ZNF777: variants seen among roughly 807,000 people sequenced by gnomAD.
The protein encoded by ZNF777 is zinc finger protein 777.
In ZNF777, 7 loss-of-function variants were observed where a neutral mutation model predicts 72.1. The observed-to-expected ratio is 0.10, with a 90% CI of 0.06 to 0.18. The LOEUF (loss-of-function observed/expected upper bound fraction) is 0.18. ZNF777 is among the 10% of genes least tolerant of loss of function. The pLI is 1.00. For missense variants in ZNF777, 828 were observed against 1,128.6 expected, an observed-to-expected ratio of 0.73 and a Z score of 3.82; for synonymous variants, 545 against 483.5, an observed-to-expected ratio of 1.13 and a Z score of -1.67.
rs930893052 is a variant in ZNF777, at chr7:149,454,145, C to G, written c.939G>C (p.Val313=). 1.2e-6 allele frequency: 2 copies of G among 1,614,252 alleles called. No homozygotes were observed. The highest frequency in any genetic ancestry group is 1.7e-5 in the Admixed American group (1 of 60,030). The change falls in exon 3 of 6, where the codon GTG becomes GTC. Residue 313 remains valine, a synonymous_variant. Transcript: ENST00000247930. ...SEWQKELYKN[V]MRGNYESLVS... Reference sequence around the variant, plus strand: ...CCAGGGACTCGTAGTTGCCCCTCATCACGTTCTTGTAGAGCTCCTTCTGCC... The same window carrying G: ...CCAGGGACTCGTAGTTGCCCCTCATGACGTTCTTGTAGAGCTCCTTCTGCC...
In ZNF777 at chr7:149,436,436, G is replaced by T; in HGVS notation, c.1339+139C>A. Reference sequence around the variant, plus strand: ...TCACGGAGCCTATACTCGAGGCCGTGCTTGGTAATTCTTTCCCACCTGTTG... The same window carrying T: ...TCACGGAGCCTATACTCGAGGCCGTTCTTGGTAATTCTTTCCCACCTGTTG... On this transcript the variant is annotated intron_variant, in intron 5 of 5. Transcript: ENST00000247930. The surrounding 1 kb of genome is among the most constrained non-coding windows in gnomAD (Gnocchi z 5.0). The T allele has an allele frequency of 9.7e-7, 1 of 1,034,930 alleles. No homozygotes were observed. The highest frequency in any genetic ancestry group is 1.4e-6 in the Non-Finnish European group (1 of 713,976). The allele number at this position is 1,034,930 out of a possible 1,614,324, so 64.1% of individuals were successfully genotyped here.
chr7:149,457,020 T>C (rs75614997), intron 1 of ZNF777, among the ~76,000 whole-genome samples: 2,760 of 152,164 alleles, frequency 0.018, 86 homozygotes, highest in African/African-American at 0.063. Context: ...GTTTCCGACA[T>C]GGGGAATGAG....
At chr7:149,451,177 T>C in intron 3 of ZNF777, 65 bp from the exon 4 acceptor site, 2 of 1,412,592 alleles carry the variant, frequency 1.4e-6, no homozygotes, top group Non-Finnish European at 2.0e-6. Flanking sequence ...TGTTAAGGTA[T>C]CATCTGTGGG....
In ZNF777 at chr7:149,460,556, A is replaced by C. The variant is rs1799929928; in HGVS notation, c.-16+259T>G. Reference sequence around the variant, plus strand: ...CGTCCCGGCGCCTCTTTAGCAGGGGAGCTGCACAGCAGCTGCCATGTTGCT... The same window carrying C: ...CGTCCCGGCGCCTCTTTAGCAGGGGCGCTGCACAGCAGCTGCCATGTTGCT... On this transcript the variant is annotated intron_variant, in intron 1 of 5. Coordinates refer to ENST00000247930, the MANE Select transcript of ZNF777 (RefSeq NM_015694.3). The surrounding 1 kb of genome is among the most constrained non-coding windows in gnomAD (Gnocchi z 6.1). Among the ~76,000 whole-genome samples the C allele has an allele frequency of 6.6e-6, 1 of 151,604 alleles. No individual in the cohort carries two copies.
intron 1 of ZNF777, among the ~76,000 whole-genome samples, chr7:149,458,663 G>A (rs1799881212): frequency 6.6e-6 from 1 of 152,200 alleles, no homozygotes; most frequent in Non-Finnish European, 1.5e-5. Flanking sequence ...CTCCATTTCC[G>A]GATTTGGAGG....
In ZNF777 at chr7:149,431,785, C is replaced by T. The variant is rs769825785; in HGVS notation, c.2487G>A (p.Thr829=). 18 of 1,591,262 alleles carry T rather than the reference C, an allele frequency of 1.1e-5. 1 individual carries two copies. The South Asian group carries it at 1.9e-4, about 17-fold the overall frequency. ...GCGGCGGGGCGCGCGCTCACTCGCCCGTGTGGGTCCGCAGGTGGTACTTGA... is the reference window on the plus strand; with the variant it reads ...GCGGCGGGGCGCGCGCTCACTCGCCTGTGTGGGTCCGCAGGTGGTACTTGA... ...QSLKYHLRTH[T]GE Residue 829 remains threonine, a synonymous_variant, in exon 6 of 6, where the codon ACG becomes ACA. Coordinates refer to ENST00000247930, the MANE Select transcript of ZNF777 (RefSeq NM_015694.3).
chr7:149,436,753 C>A lies in ZNF777; in HGVS notation c.1161G>T (p.Glu387Asp), dbSNP rs530084889. The A allele has an allele frequency of 8.1e-6, 13 of 1,614,174 alleles. No homozygotes were observed. The Admixed American group carries it at 2.0e-4, about 25-fold the overall frequency. Residue 387 changes from glutamate (E) to aspartate (D), a missense_variant, in exon 5 of 6, where the codon GAG becomes GAT. Glu to Asp is a conservative substitution (Grantham distance 45). Coordinates refer to ENST00000247930, the MANE Select transcript of ZNF777 (RefSeq NM_015694.3). The surrounding 1 kb of genome is among the most constrained non-coding windows in gnomAD (Gnocchi z 5.0). ...GCTCTTCCACCTGTCCCATCAGGGG[C>A]TCAGGTGTCTCCAAACTTTCTGAGC... is the stretch of plus-strand genomic sequence containing the variant. ...DEGSESLETP[E>D]PLMGQVEEHG...
At position 149,432,502 on chromosome 7, in the gene ZNF777, C is replaced by T. The variant is rs1352384662; in HGVS notation, c.1770G>A (p.Thr590=). The T allele has an allele frequency of 6.2e-7, 1 of 1,613,832 alleles. No homozygotes were observed. The highest frequency in any genetic ancestry group is 8.5e-7 in the Non-Finnish European group (1 of 1,179,864). Residue 590 remains threonine, a synonymous_variant, in exon 6 of 6, where the codon ACG becomes ACA. Coordinates refer to ENST00000247930, the MANE Select transcript of ZNF777 (RefSeq NM_015694.3). ...GCACGCGGTGGATGCGCTGGTGCAG[C>T]GTGAGCTGTTGCTTGTGCCGGAAGC... is the stretch of plus-strand genomic sequence containing the variant. ...EISFRHKQQL[T]LHQRIHRVRG...
chr7:149,431,752 G>GGGCGGC lies in ZNF777; in HGVS notation c.*18_*23dup, dbSNP rs540653810. On this transcript the variant is annotated 3_prime_UTR_variant, in exon 6 of 6. Coordinates refer to ENST00000247930, the MANE Select transcript of ZNF777 (RefSeq NM_015694.3). ...GGGGGCACGGCCCGCGCACCTGGCC[G>GGGCGGC]GGCGGCGGCGGCGGGGCGCGCGCTC... 2.1e-5 allele frequency: 30 copies of GGGCGGC among 1,430,930 alleles called. 1 individual carries two copies. Among genetic ancestry groups the GGGCGGC allele is most frequent in the African/African-American group, 6.0e-5 (4 of 66,374 alleles). The allele number at this position is 1,430,930 out of a possible 1,614,324, so 88.6% of individuals were successfully genotyped here.
At chr7:149,459,704 T>C (rs1472556522) in intron 1 of ZNF777, 10 of 985,098 alleles carry the variant, frequency 1.0e-5, no homozygotes, top group Admixed American at 6.2e-5. Context: ...CAGGTGTCTG[T>C]GCCTCAGTGT....
rs368761491 is a variant in ZNF777 at position 149,455,556 on chromosome 7, T to C, written c.467A>G (p.Gln156Arg). 1.1e-5 allele frequency: 17 copies of C among 1,611,698 alleles called. No individual in the cohort carries two copies. The African/African-American group carries it at 2.0e-4, about 19-fold the overall frequency. ...VPETDMDPLL[Q>R]SPVSQKDTPF... ...GGTGTCCTTTTGGGAAACCGGGCTC[T>C]GGAGCAGCGGGTCCATGTCAGTCTC... Residue 156 changes from glutamine to arginine, a missense_variant, in exon 2 of 6, where the codon CAG becomes CGG. Transcript: ENST00000247930. This position sits in a 1 kb window ranked among gnomAD's most constrained non-coding sequence, Gnocchi z 4.2.
rs370480166 is a variant in ZNF777 at position 149,432,010 on chromosome 7, C to T, written c.2262G>A (p.Glu754=). The stretch of plus-strand genomic sequence containing the variant: ...GCTTGCGGATGAAGCTCTTGCCGCA[C>T]TCGGGGCAGGCGTGCGGCCGCTCGC... ...HSRERPHACP[E]CGKSFIRKHH... is the part of the protein sequence containing the mutation. Residue 754 remains glutamate (E), a synonymous_variant, in exon 6 of 6, where the codon GAG becomes GAA. Coordinates refer to ENST00000247930, the MANE Select transcript of ZNF777 (RefSeq NM_015694.3). 6.2e-7 allele frequency: 1 copy of T among 1,610,148 alleles called. No homozygotes were observed. The highest frequency in any genetic ancestry group is 8.5e-7 in the Non-Finnish European group (1 of 1,179,652).
At chr7:149,452,053 C>T (rs1278507371) in intron 3 of ZNF777, among the ~76,000 whole-genome samples, 1 of 151,800 alleles carries the variant, frequency 6.6e-6, no homozygotes, top group Non-Finnish European at 1.5e-5. Flanking sequence ...ATCACAAGGT[C>T]AGGAGATCGA....
At chr7:149,447,410 T>A (rs1799623944) in intron 4 of ZNF777, among the ~76,000 whole-genome samples, 1 of 152,216 alleles carries the variant, frequency 6.6e-6, no homozygotes. Flanking sequence ...AAACCTAATG[T>A]GTTCAAAACG....
rs960668150 is a variant in ZNF777 at position 149,460,765 on chromosome 7, G to C, written c.-16+50C>G. 6.6e-6 allele frequency: 1 copy of C among 152,120 alleles called. No homozygotes were observed. The highest frequency in any genetic ancestry group is 1.5e-5 in the Non-Finnish European group (1 of 68,084). 9.4% of individuals were successfully genotyped at this position (152,120 alleles called of 1,614,324 possible). On this transcript the variant is annotated intron_variant, in intron 1 of 5. Transcript: ENST00000247930. The surrounding 1 kb of genome is among the most constrained non-coding windows in gnomAD (Gnocchi z 6.1). ...CCCGGGCCAGCCCGTCGTGGAGCCC[G>C]GGCCGAACCGCCGGGGCCTCCCACC...
At chr7:149,441,460 A>G (rs907827195) in intron 4 of ZNF777, among the ~76,000 whole-genome samples, 1 of 152,214 alleles carries the variant, frequency 6.6e-6, no homozygotes, top group Non-Finnish European at 1.5e-5. Context: ...GGCACTTCAG[A>G]TATTCCTTCT....
At chr7:149,440,669 T>A (rs1000804308) in intron 4 of ZNF777, among the ~76,000 whole-genome samples, 1 of 96,390 alleles carries the variant, frequency 1.0e-5, no homozygotes, top group Non-Finnish European at 2.0e-5. Context: ...CCTGTTGTTT[T>A]TTTGTTTTTT....
In ZNF777 at chr7:149,436,952, GTAATATTGAGTTGGAAATGAGT is replaced by G. The variant is rs1799422711; in HGVS notation, c.1088-148_1088-127del. The stretch of plus-strand genomic sequence containing the variant: ...CTTATCTTAGAGACCCTGAAGAAAT[GTAATATTGAGTTGGAAATGAGT>G]AGACACAGAATTTTCTGGACACCTT... On this transcript the variant is annotated intron_variant, in intron 4 of 5. Coordinates refer to ENST00000247930, the MANE Select transcript of ZNF777 (RefSeq NM_015694.3). The surrounding 1 kb of genome is among the most constrained non-coding windows in gnomAD (Gnocchi z 5.0). The G allele has an allele frequency of 8.3e-7, 1 of 1,212,036 alleles. No homozygotes were observed. Among genetic ancestry groups the G allele is most frequent in the Admixed American group, 2.6e-5 (1 of 38,660 alleles). The allele number at this position is 1,212,036 out of a possible 1,614,324, so 75.1% of individuals were successfully genotyped here. A position where few individuals can be genotyped will look rare whatever the true frequency, so the allele number is the denominator to read the frequency against.
rs201301323 is a variant in ZNF777 at position 149,458,676 on chromosome 7, T to C, written c.-16+2139A>G. On this transcript the variant is annotated intron_variant, in intron 1 of 5. Transcript: ENST00000247930. ...CTCTCCATTTCCGGATTTGGAGGAC[T>C]GTAGAGGGGCCACAGGAGGGTGTTC... Among the ~76,000 whole-genome samples, 31 of 152,336 alleles carry C rather than the reference T, an allele frequency of 2.0e-4. No homozygotes were observed. The East Asian group carries it at 3.7e-3, about 18-fold the overall frequency.
Sources: allele counts gnomAD v4.1 joint callset (sites outside exome capture counted in the v4.1 genomes callset), GRCh38; gene constraint gnomAD v4.1.1; non-coding constraint Gnocchi (gnomAD v3.1); transcripts MANE v1.5; gene names NCBI Gene and HGNC (gene_info 2026-07-23, HGNC 2026-07-21).